HINT3: variants seen among roughly 807,000 people sequenced by gnomAD.
HINT3 encodes histidine triad nucleotide binding protein 3.
HINT3 carries 16 observed loss-of-function variants against 19.1 expected under a neutral mutation model. The observed-to-expected ratio is 0.84, with a 90% CI of 0.57 to 1.27. HINT3 has a LOEUF of 1.27. Ranked by LOEUF, HINT3 falls within the 50% of genes most tolerant of loss-of-function variation. The probability of loss-of-function intolerance (pLI) is 0.00; values close to 1 mark genes in which losing one functional copy is unlikely to be tolerated. For synonymous variants in HINT3, 75 were observed against 84.8 expected (o/e 0.88, Z 0.63); for missense variants, 197 against 225.8 (o/e 0.87, Z 0.82).
At chr6:125,960,116 G>A (rs1365787840) in intron 1 of HINT3, among the ~76,000 whole-genome samples, 3 of 152,214 alleles carry the variant, frequency 2.0e-5, no homozygotes, top group Non-Finnish European at 4.4e-5. Context: ...TTATTTACAA[G>A]TAAAAGGTTT....
At position 125,957,179 on chromosome 6, in the gene HINT3, G is replaced by A. The variant is rs764144849; in HGVS notation, c.201+1G>A. 2 of 1,543,154 alleles carry A rather than the reference G, an allele frequency of 1.3e-6. No individual in the cohort carries two copies. Among genetic ancestry groups the A allele is most frequent in the Non-Finnish European group, 1.8e-6 (2 of 1,142,300 alleles). The stretch of plus-strand genomic sequence containing the variant: ...GGGCACCGAACTCCTGCACTGCGAG[G>A]TGGGCGGCGACGCGCGGCCGGGGGT... On this transcript the variant is annotated splice_donor_variant, in intron 1 of 4. Coordinates refer to ENST00000229633, the MANE Select transcript of HINT3 (RefSeq NM_138571.5). LOFTEE classifies it high-confidence loss of function.
At chr6:125,972,034 T>G (rs1562214704) in intron 2 of HINT3, among the ~76,000 whole-genome samples, 1 of 152,040 alleles carries the variant, frequency 6.6e-6, no homozygotes, top group Non-Finnish European at 1.5e-5. Flanking sequence ...TTAAAAAATG[T>G]TTTTTAGAGA....
At chr6:125,961,780 C>T (rs1788930777) in intron 1 of HINT3, among the ~76,000 whole-genome samples, 1 of 151,956 alleles carries the variant, frequency 6.6e-6, no homozygotes, top group Non-Finnish European at 1.5e-5. Flanking sequence ...TTGGATAGGC[C>T]TGACTGACAA....
At chr6:125,957,224 C>T (rs1788852752) in intron 1 of HINT3, 46 bp downstream of exon 1, 3 of 1,502,940 alleles carry the variant, frequency 2.0e-6, no homozygotes, top group African/African-American at 1.4e-5. Context: ...CCTGGCCGCC[C>T]CTCGGAGCTC....
chr6:125,972,108 A>T, intron 2 of HINT3, 151 bp from the exon 3 acceptor site: 1 of 553,870 alleles, frequency 1.8e-6, no homozygotes, highest in Non-Finnish European at 3.2e-6. Context: ...CCTCCTCCCA[A>T]AGTGTTGGGA....
At chr6:125,977,208 G>T (rs1312096956) in intron 4 of HINT3, among the ~76,000 whole-genome samples, 1 of 152,098 alleles carries the variant, frequency 6.6e-6, no homozygotes. Context: ...TCTGTATGCT[G>T]CCTATTCATC....
At position 125,957,016 on chromosome 6, in the gene HINT3, C is replaced by T; in HGVS notation, c.39C>T (p.Ala13=). 1 of 1,550,630 alleles carries T rather than the reference C, an allele frequency of 6.4e-7. No homozygotes were observed. The highest frequency in any genetic ancestry group is 8.7e-7 in the Non-Finnish European group (1 of 1,146,874). Residue 13 remains alanine (A), a synonymous_variant, in exon 1 of 5, where the codon GCC becomes GCT. Coordinates refer to ENST00000229633, the MANE Select transcript of HINT3 (RefSeq NM_138571.5). The part of the protein sequence containing the change: ...EEQVNRSAGL[A]PDCEASATAE... The stretch of plus-strand genomic sequence containing the variant: ...AGGTGAACCGCAGCGCCGGCCTGGC[C>T]CCCGACTGTGAGGCCTCGGCGACTG...
rs1789161217 is a variant in HINT3 at position 125,974,983 on chromosome 6, C to G, written c.516+10C>G. 2 of 1,612,208 alleles carry G rather than the reference C, an allele frequency of 1.2e-6. No individual in the cohort carries two copies. Among genetic ancestry groups the G allele is most frequent in the Non-Finnish European group, 1.7e-6 (2 of 1,178,872 alleles). ...CTATTGGTTTATCACAGTGAGTATT[C>G]TTGTTATGTCAGCAGCATACAAAAA... On this transcript the variant is annotated intron_variant, in intron 4 of 4. Coordinates refer to ENST00000229633, the MANE Select transcript of HINT3 (RefSeq NM_138571.5).
chr6:125,979,599 C>A lies in HINT3; in HGVS notation c.*1923C>A, dbSNP rs1239175931. 6.6e-6 allele frequency: 1 copy of A among 152,038 alleles called. No individual in the cohort carries two copies. The highest frequency in any genetic ancestry group is 1.5e-5 in the Non-Finnish European group (1 of 68,044). 9.4% of individuals were successfully genotyped at this position (152,038 alleles called of 1,614,324 possible). ...AAACCCCGTCTCTTCTAAAAAAATACAAAAATTAGCCGGGTATGGTGGCGC... is the reference window on the plus strand; with the variant it reads ...AAACCCCGTCTCTTCTAAAAAAATAAAAAAATTAGCCGGGTATGGTGGCGC... On this transcript the variant is annotated 3_prime_UTR_variant, in exon 5 of 5. Transcript: ENST00000229633.
In HINT3 at chr6:125,966,933, A is replaced by T; in HGVS notation, c.248A>T (p.His83Leu). 6.2e-7 allele frequency: 1 copy of T among 1,612,630 alleles called. No homozygotes were observed. Among genetic ancestry groups the T allele is most frequent in the Non-Finnish European group, 8.5e-7 (1 of 1,179,054 alleles). The change falls in exon 2 of 5, where the codon CAT becomes CTT. Residue 83 changes from histidine to leucine, a missense_variant. Physicochemically the swap from His to Leu is moderately conservative, Grantham distance 99 (BLOSUM62 -3). Transcript: ENST00000229633. Reference sequence around the variant, plus strand: ...AAAGATATCAAACCAGCAGCAACTCATCATTATCTTGTGGTGCCAAAGAAG... The same window carrying T: ...AAAGATATCAAACCAGCAGCAACTCTTCATTATCTTGTGGTGCCAAAGAAG... Reference protein sequence around the residue: ...CFKDIKPAATHHYLVVPKKHI... With the variant: ...CFKDIKPAATLHYLVVPKKHI...
intron 1 of HINT3, 28 bp from the exon 2 acceptor site, chr6:125,966,859 A>C (rs766350656): frequency 6.9e-7 from 1 of 1,448,632 alleles, no homozygotes; most frequent in South Asian, 1.2e-5. Flanking sequence ...CTTTTTAAAA[A>C]TTCACTAACA....
intron 1 of HINT3, among the ~76,000 whole-genome samples, chr6:125,962,331 C>G (rs1208518577): frequency 7.6e-6 from 1 of 131,590 alleles, no homozygotes; most frequent in African/African-American, 3.0e-5. Context: ...ATATATATAT[C>G]ACACACACAT....
rs776593581 is a variant in HINT3, at chr6:125,966,960, A to G, written c.275A>G (p.His92Arg). ...THHYLVVPKK[H>R]IGNCRTLRKD... is the part of the protein sequence containing the mutation. ...CATTATCTTGTGGTGCCAAAGAAGCATATTGGAAACTGCAGAACTCTAAGG... is the reference window on the plus strand; with the variant it reads ...CATTATCTTGTGGTGCCAAAGAAGCGTATTGGAAACTGCAGAACTCTAAGG... Residue 92 changes from histidine (H) to arginine (R), a missense_variant, in exon 2 of 5, where the codon CAT (histidine) becomes CGT (arginine). Coordinates refer to ENST00000229633, the MANE Select transcript of HINT3 (RefSeq NM_138571.5). 6.2e-7 allele frequency: 1 copy of G among 1,613,298 alleles called. No homozygotes were observed. The highest frequency in any genetic ancestry group is 1.7e-4 in the Middle Eastern group (1 of 6,058).
chr6:125,958,569 G>A (rs1268354575), intron 1 of HINT3, among the ~76,000 whole-genome samples: 2 of 152,204 alleles, frequency 1.3e-5, no homozygotes, highest in Admixed American at 6.5e-5. Flanking sequence ...TGAGAATGTG[G>A]TAGAGGAGAT....
chr6:125,956,834 C>G lies in HINT3; in HGVS notation c.-144C>G, dbSNP rs116611355. On this transcript the variant is annotated 5_prime_UTR_variant, in exon 1 of 5. Transcript: ENST00000229633. ...GAAGTTCCTCACCGCGTCTCCTTCC[C>G]TCTCCCCAAAGCCTGGATCACCGCC... 38 of 870,476 alleles carry G rather than the reference C, an allele frequency of 4.4e-5. No individual in the cohort carries two copies. The highest frequency in any genetic ancestry group is 1.7e-5 in the South Asian group (1 of 57,246). 53.9% of individuals were successfully genotyped at this position (870,476 alleles called of 1,614,324 possible).
intron 1 of HINT3, among the ~76,000 whole-genome samples, chr6:125,958,355 G>A (rs1319115392): frequency 6.6e-6 from 1 of 152,196 alleles, no homozygotes; most frequent in Non-Finnish European, 1.5e-5. Context: ...GAAGGAATTT[G>A]TCTTTATCTG....
chr6:125,965,548 T>C (rs1270765589), intron 1 of HINT3, among the ~76,000 whole-genome samples: 1 of 151,902 alleles, frequency 6.6e-6, no homozygotes, highest in Non-Finnish European at 1.5e-5. Flanking sequence ...ATCGCTTGAG[T>C]CCAGGAGTTT....
At chr6:125,966,225 C>T (rs1789015810) in intron 1 of HINT3, among the ~76,000 whole-genome samples, 1 of 152,096 alleles carries the variant, frequency 6.6e-6, no homozygotes, top group Non-Finnish European at 1.5e-5. Flanking sequence ...TCTTCCTTTC[C>T]TTTTCTTTTT....
At position 125,956,971 on chromosome 6, in the gene HINT3, G is replaced by A; in HGVS notation, c.-7G>A. The stretch of plus-strand genomic sequence containing the variant: ...GCCGAGGCTCTAGGCCGCGAGGGGC[G>A]GGTGCAATGGCGGAGGAACAGGTGA... On this transcript the variant is annotated 5_prime_UTR_variant, in exon 1 of 5. Coordinates refer to ENST00000229633, the MANE Select transcript of HINT3 (RefSeq NM_138571.5). The A allele has an allele frequency of 6.5e-7, 1 of 1,549,408 alleles. No individual in the cohort carries two copies. Among genetic ancestry groups the A allele is most frequent in the South Asian group, 1.2e-5 (1 of 84,004 alleles).
Sources: allele counts gnomAD v4.1 joint callset (sites outside exome capture counted in the v4.1 genomes callset), GRCh38; gene constraint gnomAD v4.1.1; transcripts MANE v1.5; gene names NCBI Gene and HGNC (gene_info 2026-07-23, HGNC 2026-07-21).